CTNNA3: variants seen among roughly 807,000 people sequenced by gnomAD.
The protein encoded by CTNNA3 is catenin alpha-3.
CTNNA3 carries 76 observed loss-of-function variants against 95.7 expected under a neutral mutation model. The ratio of observed to expected loss-of-function variants is 0.79; its 90% confidence interval spans 0.66 to 0.96. CTNNA3 has a LOEUF of 0.96. Ranked by LOEUF, CTNNA3 falls within the 40% of genes least tolerant of loss-of-function variation. The pLI is 0.00. For synonymous variants in CTNNA3, 431 were observed against 374.4 expected (o/e 1.15, Z -1.74); for missense variants, 1,191 against 1,089.8 (o/e 1.09, Z -1.31).
chr10:67,039,219 A>C (rs886842267), intron 7 of CTNNA3, among the ~76,000 whole-genome samples: 2 of 152,134 alleles, frequency 1.3e-5, no homozygotes, highest in African/African-American at 4.8e-5. Context: ...ACTCGAGGAA[A>C]ATTACAGGTT....
intron 5 of CTNNA3, among the ~76,000 whole-genome samples, chr10:67,422,954 A>C (rs1233676865): frequency 2.0e-5 from 3 of 152,192 alleles, no homozygotes; most frequent in African/African-American, 7.2e-5. Context: ...TTAAACAAAC[A>C]AGAAAAGGTT....
intron 1 of CTNNA3, among the ~76,000 whole-genome samples, chr10:67,762,131 G>T (rs1240323074): frequency 6.6e-6 from 1 of 150,666 alleles, no homozygotes; most frequent in Non-Finnish European, 1.5e-5. Context: ...TTTTGGGGGC[G>T]GGGGGAATCA....
At chr10:67,646,531 T>C (rs1046560957) in intron 2 of CTNNA3, among the ~76,000 whole-genome samples, 1 of 152,080 alleles carries the variant, frequency 6.6e-6, no homozygotes, top group African/African-American at 2.4e-5. Context: ...GATAAAAATA[T>C]GTAAACTTGT....
At chr10:65,999,134 T>G (rs1315473118) in intron 15 of CTNNA3, among the ~76,000 whole-genome samples, 2 of 152,264 alleles carry the variant, frequency 1.3e-5, no homozygotes, top group African/African-American at 2.4e-5. Context: ...TCTTATCAAA[T>G]TTACACATCA....
At chr10:66,307,960 G>A (rs2132248927) in intron 12 of CTNNA3, among the ~76,000 whole-genome samples, 1 of 152,248 alleles carries the variant, frequency 6.6e-6, no homozygotes, top group East Asian at 1.9e-4. Flanking sequence ...AGTTCCTGAG[G>A]CATACCTGGA....
intron 9 of CTNNA3, among the ~76,000 whole-genome samples, chr10:66,734,837 T>G (rs532843642): frequency 4.1e-5 from 6 of 146,158 alleles, no homozygotes; most frequent in Non-Finnish European, 5.9e-5. Flanking sequence ...CACTCCAGCC[T>G]GGGCAACACT....
At chr10:66,212,072 C>T (rs1334709350) in intron 13 of CTNNA3, among the ~76,000 whole-genome samples, 1 of 147,112 alleles carries the variant, frequency 6.8e-6, no homozygotes, top group Non-Finnish European at 1.5e-5. Flanking sequence ...TCGTTGCAAC[C>T]TCTGCATCCC....
chr10:67,632,642 G>C (rs1839182362), intron 2 of CTNNA3, among the ~76,000 whole-genome samples: 1 of 152,126 alleles, frequency 6.6e-6, no homozygotes, highest in African/African-American at 2.4e-5. Flanking sequence ...ACCCCACCTG[G>C]AAAACCACGC....
intron 10 of CTNNA3, among the ~76,000 whole-genome samples, chr10:66,529,434 A>G (rs1841381782): frequency 7.5e-6 from 1 of 134,168 alleles, no homozygotes; most frequent in Admixed American, 8.0e-5. Flanking sequence ...GCCCAGCCAA[A>G]CAGTGTTTTT....
chr10:66,339,546 A>G, intron 12 of CTNNA3, among the ~76,000 whole-genome samples: 1 of 151,802 alleles, frequency 6.6e-6, no homozygotes, highest in East Asian at 1.9e-4. Context: ...AAAGACAGTA[A>G]AGGAAAGATT....
intron 9 of CTNNA3, among the ~76,000 whole-genome samples, chr10:66,626,734 T>C (rs2132331493): frequency 6.6e-6 from 1 of 152,080 alleles, no homozygotes; most frequent in East Asian, 1.9e-4. Flanking sequence ...ATAAGAGAGA[T>C]GGTAAGAGTA....
At chr10:66,245,220 A>G (rs544198927) in intron 13 of CTNNA3, among the ~76,000 whole-genome samples, 1 of 152,292 alleles carries the variant, frequency 6.6e-6, no homozygotes, top group East Asian at 1.9e-4. Context: ...TCTGCAAGGC[A>G]TAGTTGAACC....
chr10:67,737,267 T>C (rs1025747896), intron 1 of CTNNA3, among the ~76,000 whole-genome samples: 1 of 151,820 alleles, frequency 6.6e-6, no homozygotes, highest in African/African-American at 2.4e-5. Context: ...AATGAATAAA[T>C]TAAGAAAGAA....
intron 2 of CTNNA3, among the ~76,000 whole-genome samples, chr10:67,610,985 C>A (rs916546421): frequency 4.6e-5 from 7 of 152,150 alleles, no homozygotes; most frequent in Non-Finnish European, 8.8e-5. Flanking sequence ...TAAAGACACA[C>A]CTTCATCGTA....
intron 9 of CTNNA3, among the ~76,000 whole-genome samples, chr10:66,759,483 T>C (rs1763386070): frequency 1.3e-5 from 2 of 152,212 alleles, no homozygotes; most frequent in African/African-American, 4.8e-5. Context: ...TGTTCGTTTA[T>C]TCAATAATTC....
intron 11 of CTNNA3, among the ~76,000 whole-genome samples, chr10:66,430,167 A>C (rs1328106573): frequency 4.1e-5 from 6 of 147,638 alleles, no homozygotes; most frequent in Non-Finnish European, 5.9e-5. Context: ...CTTCAAAGAG[A>C]ATGAAATACC....
intron 3 of CTNNA3, among the ~76,000 whole-genome samples, chr10:67,558,448 C>A (rs1259015810): frequency 6.6e-6 from 1 of 152,162 alleles, no homozygotes; most frequent in African/African-American, 2.4e-5. Context: ...AAAGATCTTG[C>A]CATTGATATA....
intron 12 of CTNNA3, among the ~76,000 whole-genome samples, chr10:66,307,526 A>G (rs1186324284): frequency 6.6e-6 from 1 of 152,162 alleles, no homozygotes; most frequent in East Asian, 1.9e-4. Flanking sequence ...AACACTTCTA[A>G]TTATTCAGAG....
chr10:67,313,595 A>G (rs529279829), intron 5 of CTNNA3, among the ~76,000 whole-genome samples: 3 of 152,296 alleles, frequency 2.0e-5, no homozygotes, highest in Non-Finnish European at 4.4e-5. Context: ...GATATTATGT[A>G]ATTTGTGCTA....
Sources: gnomAD v4.1 joint callset for allele counts (sites outside exome capture counted in the v4.1 genomes callset) on GRCh38, gnomAD v4.1.1 for gene constraint, MANE v1.5 for transcripts, NCBI Gene and HGNC (gene_info 2026-07-23, HGNC 2026-07-21) for gene names.